Variants in HYDIN observed in about 807,000 individuals in gnomAD.
HYDIN encodes HYDIN axonemal central pair apparatus protein.
A neutral mutation model predicts 403.9 loss-of-function variants in HYDIN; 132 were observed. That is an observed-to-expected ratio of 0.33 (90% confidence interval 0.28 to 0.38). HYDIN has a LOEUF of 0.38. HYDIN is among the 10% of genes least tolerant of loss of function. HYDIN has a pLI of 1.00. For missense variants in HYDIN, 2,827 were observed against 5,009.5 expected, an observed-to-expected ratio of 0.56 and a Z score of 13.15; for synonymous variants, 1,202 against 1,891.7, an observed-to-expected ratio of 0.64 and a Z score of 9.46.
At chr16:71,162,993 A>T (rs1456925132) in intron 5 of HYDIN, among the ~76,000 whole-genome samples, 1 of 152,250 alleles carries the variant, frequency 6.6e-6, no homozygotes, top group Non-Finnish European at 1.5e-5. Flanking sequence ...ATAGGGAGGT[A>T]GGATGAAGGT....
chr16:71,052,782 G>A (rs1272182040), intron 18 of HYDIN, among the ~76,000 whole-genome samples: 2 of 135,692 alleles, frequency 1.5e-5, no homozygotes, highest in Non-Finnish European at 3.1e-5. Flanking sequence ...CCTGGGAGGT[G>A]GAAGGCTGCA....
chr16:70,847,048 A>C (rs2038260290), intron 75 of HYDIN, among the ~76,000 whole-genome samples: 1 of 148,606 alleles, frequency 6.7e-6, no homozygotes, highest in African/African-American at 2.5e-5. Context: ...TTACATTTAA[A>C]GTTAATATTG....
intron 6 of HYDIN, among the ~76,000 whole-genome samples, chr16:71,157,789 TGAA>T (rs2085833409): frequency 7.2e-6 from 1 of 138,838 alleles, no homozygotes; most frequent in Admixed American, 7.4e-5. Context: ...GAACTCCAAC[TGAA>T]GAAGGTGAGA....
chr16:71,048,186 G>A (rs1213864916), intron 18 of HYDIN, among the ~76,000 whole-genome samples: 2 of 151,080 alleles, frequency 1.3e-5, no homozygotes, highest in South Asian at 2.1e-4. Flanking sequence ...TTCTTTTTAC[G>A]CCTGAGTAGT....
intron 18 of HYDIN, among the ~76,000 whole-genome samples, chr16:71,053,817 T>C (rs1177681224): frequency 1.3e-5 from 2 of 152,166 alleles, no homozygotes; most frequent in East Asian, 3.8e-4. Context: ...GGTAAATAAA[T>C]GTGGGGAAAG....
At chr16:71,016,831 C>G (rs938048920) in intron 23 of HYDIN, among the ~76,000 whole-genome samples, 4 of 152,028 alleles carry the variant, frequency 2.6e-5, no homozygotes, top group Non-Finnish European at 2.9e-5. Flanking sequence ...CATGGATGAA[C>G]CTTGAGGACA....
At chr16:71,173,019 C>G (rs1259836537) in intron 5 of HYDIN, among the ~76,000 whole-genome samples, 1 of 152,186 alleles carries the variant, frequency 6.6e-6, no homozygotes, top group Non-Finnish European at 1.5e-5. Flanking sequence ...AATGATGTCT[C>G]TAAGGAAGAC....
rs79918991 is a variant in HYDIN at position 70,807,035 on chromosome 16, T to A, written c.*545A>T. On this transcript the variant is annotated 3_prime_UTR_variant, in exon 86 of 86. Coordinates refer to ENST00000393567, the MANE Select transcript of HYDIN (RefSeq NM_001270974.2). ...AGATGTGGGATTCGGACACTGATGG[T>A]ATAAAAGCCAAGAGAAAAAGTGATG... is the stretch of plus-strand genomic sequence containing the variant. Among the ~76,000 whole-genome samples, 12 of 152,322 alleles carry A rather than the reference T, an allele frequency of 7.9e-5. No individual in the cohort carries two copies. In the East Asian group the frequency reaches 1.7e-3, roughly 22 times the overall value.
intron 18 of HYDIN, among the ~76,000 whole-genome samples, chr16:71,055,115 G>T (rs564515035): frequency 3.9e-4 from 60 of 152,376 alleles, no homozygotes; most frequent in Non-Finnish European, 6.8e-4. Flanking sequence ...ACATGAAACC[G>T]TGCTCCTTTC....
chr16:71,230,697 G>A lies in HYDIN; in HGVS notation c.-159C>T, dbSNP rs761613886. Reference sequence around the variant, plus strand: ...CGCCCGCACTCTCCATGCGCCGCCCGAGCTGTTGCCGTCCGTTGCCACGGT... The same window carrying A: ...CGCCCGCACTCTCCATGCGCCGCCCAAGCTGTTGCCGTCCGTTGCCACGGT... On this transcript the variant is annotated 5_prime_UTR_variant, in exon 1 of 86. Transcript: ENST00000393567. 1.7e-5 allele frequency: 26 copies of A among 1,535,866 alleles called. No homozygotes were observed. The African/African-American group carries it at 2.1e-4, about 12-fold the overall frequency.
chr16:71,004,235 A>C lies in HYDIN; in HGVS notation c.3645-12025T>G, dbSNP rs578114620. On this transcript the variant is annotated intron_variant, in intron 23 of 85. Transcript: ENST00000393567. ...AGGCTGAGGCAGGAGAATCGCTTGA[A>C]CCTGGGAGGCGGAGGTTGTAGTGAG... Among the ~76,000 whole-genome samples, 10 of 151,166 alleles carry C rather than the reference A, an allele frequency of 6.6e-5. 1 individual carries two copies. Among genetic ancestry groups the C allele is most frequent in the African/African-American group, 2.2e-4 (9 of 41,188 alleles).
chr16:71,143,657 C>A (rs1437766209), intron 7 of HYDIN, among the ~76,000 whole-genome samples: 1 of 152,174 alleles, frequency 6.6e-6, no homozygotes, highest in African/African-American at 2.4e-5. Context: ...TAATAATAAT[C>A]CCACCATTGA....
chr16:71,047,328 T>C (rs1512597), intron 18 of HYDIN, among the ~76,000 whole-genome samples: 60,497 of 151,814 alleles, frequency 0.4, 12,768 homozygotes, highest in Non-Finnish European at 0.48. Flanking sequence ...AGTAACACTC[T>C]ATCAATAGCT....
intron 2 of HYDIN, among the ~76,000 whole-genome samples, chr16:71,185,480 C>T (rs1394937722): frequency 6.6e-6 from 1 of 152,092 alleles, no homozygotes; most frequent in Non-Finnish European, 1.5e-5. Flanking sequence ...TATAAAATTG[C>T]AAAGATCTAG....
chr16:71,218,113 C>G (rs951763632), intron 1 of HYDIN, among the ~76,000 whole-genome samples: 6 of 152,170 alleles, frequency 3.9e-5, no homozygotes, highest in African/African-American at 1.4e-4. Context: ...ACCAATTTTC[C>G]TGTGCCCTTG....
intron 14 of HYDIN, 95 bp from the exon 15 acceptor site, chr16:71,067,485 G>C: frequency 1.5e-6 from 1 of 657,818 alleles, no homozygotes; most frequent in Non-Finnish European, 2.7e-6. Context: ...GATCAGAGTG[G>C]TTTCTAAGTG....
intron 8 of HYDIN, among the ~76,000 whole-genome samples, chr16:71,134,066 T>G (rs575804377): frequency 2.0e-5 from 3 of 151,950 alleles, no homozygotes; most frequent in African/African-American, 7.3e-5. Flanking sequence ...GGCCAAACAG[T>G]AAACTGCTGG....
chr16:70,836,670 T>C (rs962472047), intron 77 of HYDIN, among the ~76,000 whole-genome samples: 9 of 152,192 alleles, frequency 5.9e-5, no homozygotes, highest in African/African-American at 2.2e-4. Flanking sequence ...GTCACTGTCA[T>C]GGTCAGTCAC....
chr16:71,027,473 G>A (rs1192639912), intron 20 of HYDIN, 129 bp downstream of exon 20: 2 of 1,536,246 alleles, frequency 1.3e-6, no homozygotes, highest in African/African-American at 1.4e-5. Flanking sequence ...TGGTAACTCA[G>A]GATTGTACAC....
Sources: gnomAD v4.1 joint callset for allele counts (sites outside exome capture counted in the v4.1 genomes callset) on GRCh38, gnomAD v4.1.1 for gene constraint, MANE v1.5 for transcripts, NCBI Gene and HGNC (gene_info 2026-07-23, HGNC 2026-07-21) for gene names.